Variants in KLHL12 observed in about 807,000 individuals in gnomAD.
The protein encoded by KLHL12 is kelch like family member 12.
In KLHL12, 17 loss-of-function variants were observed where a neutral mutation model predicts 60.8. That is an observed-to-expected ratio of 0.28 (90% CI 0.19 to 0.42). KLHL12 has a LOEUF of 0.42. KLHL12 is among the 10% of genes least tolerant of loss of function. The probability of loss-of-function intolerance (pLI) is 1.00; values close to 1 mark genes in which losing one functional copy is unlikely to be tolerated. For synonymous variants in KLHL12, 220 were observed against 250.9 expected, an observed-to-expected ratio of 0.88 and a Z score of 1.16; for missense variants, 468 against 722.3, an observed-to-expected ratio of 0.65 and a Z score of 4.04.
intron 11 of KLHL12, 79 bp from the exon 12 acceptor site, chr1:202,892,738 A>C (rs1178731650): frequency 6.7e-7 from 1 of 1,490,034 alleles, no homozygotes; most frequent in Non-Finnish European, 9.2e-7. Context: ...ACTATGCAGG[A>C]GGCTGAGGTA....
chr1:202,902,116 C>A (rs1005902160), intron 6 of KLHL12, among the ~76,000 whole-genome samples: 1 of 152,134 alleles, frequency 6.6e-6, no homozygotes, highest in African/African-American at 2.4e-5. Flanking sequence ...TTCCTTCCAG[C>A]CTTGTTTCTG....
rs572569999 is a variant in KLHL12 at position 202,923,020 on chromosome 1, T to C, written c.195+1948A>G. Among the ~76,000 whole-genome samples the C allele has an allele frequency of 4.6e-5, 7 of 152,342 alleles. No individual in the cohort carries two copies. The South Asian group carries it at 1.2e-3, about 27-fold the overall frequency. On this transcript the variant is annotated intron_variant, in intron 2 of 11. Coordinates refer to ENST00000367261, the MANE Select transcript of KLHL12 (RefSeq NM_021633.4). Reference sequence around the variant, plus strand: ...TACAGATCAACCCAGTGAAGTTAGATGGTTCCCAGGGTTTATACAGAATTG... The same window carrying C: ...TACAGATCAACCCAGTGAAGTTAGACGGTTCCCAGGGTTTATACAGAATTG...
chr1:202,899,553 G>T (rs1157917090), intron 6 of KLHL12, among the ~76,000 whole-genome samples: 1 of 151,526 alleles, frequency 6.6e-6, no homozygotes, highest in Admixed American at 6.6e-5. Context: ...GCATGGCCAG[G>T]TGTGGCTCAT....
rs1660296567 is a variant in KLHL12, at chr1:202,909,641, T to C, written c.718-517A>G. ...TTCATTTGCCTCCCAACTCACTCTG[T>C]ACCTTTTTCCACTCTGCTCTCTGGC... is the stretch of plus-strand genomic sequence containing the variant. On this transcript the variant is annotated intron_variant, in intron 5 of 11. Coordinates refer to ENST00000367261, the MANE Select transcript of KLHL12 (RefSeq NM_021633.4). The surrounding 1 kb of genome is among the most constrained non-coding windows in gnomAD (Gnocchi z 4.1). 1.3e-5 allele frequency among the ~76,000 whole-genome samples: 2 copies of C among 152,198 alleles called. No individual in the cohort carries two copies. The highest frequency in any genetic ancestry group is 1.3e-4 in the Admixed American group (2 of 15,276).
At position 202,911,266 on chromosome 1, in the gene KLHL12, G is replaced by A. The variant is rs549391170; in HGVS notation, c.568-63C>T. Reference sequence around the variant, plus strand: ...TCCAATTAGCTCACCATCTCAAAACGTAACCACGTTCACTTTTTCCTTCCT... The same window carrying A: ...TCCAATTAGCTCACCATCTCAAAACATAACCACGTTCACTTTTTCCTTCCT... On this transcript the variant is annotated intron_variant, in intron 4 of 11. Transcript: ENST00000367261. 1.2e-5 allele frequency: 19 copies of A among 1,553,656 alleles called. No homozygotes were observed. In the Admixed American group the frequency reaches 1.7e-4, roughly 14 times the overall value.
At position 202,894,700 on chromosome 1, in the gene KLHL12, A is replaced by G; in HGVS notation, c.1185T>C (p.Ser395=). The G allele has an allele frequency of 6.2e-7, 1 of 1,614,056 alleles. No homozygotes were observed. The highest frequency in any genetic ancestry group is 8.5e-7 in the Non-Finnish European group (1 of 1,179,948). ...GGFDGSRRHT[S]MERYDPNIDQ... is the part of the protein sequence containing the mutation. Reference sequence around the variant, plus strand: ...CAATGTTTGGATCATAGCGCTCCATACTGGTGTGACGCCTGCTTCCATCAA... The same window carrying G: ...CAATGTTTGGATCATAGCGCTCCATGCTGGTGTGACGCCTGCTTCCATCAA... Residue 395 remains serine (S), a synonymous_variant, in exon 9 of 12, where the codon AGT becomes AGC. Transcript: ENST00000367261.
chr1:202,911,070 T>A lies in KLHL12; in HGVS notation c.701A>T (p.Asp234Val), dbSNP rs895477376. ...ACTACTTACCTCAGCATCTATTACA[T>A]CTGTGATATACCTGGGGGTTAGTAG... ...MPLLTPRYIT[D>V]VIDAEPFIRC... The change falls in exon 5 of 12, where the codon GAT (aspartate) becomes GTT (valine). Residue 234 changes from aspartate to valine, a missense_variant. Physicochemically the swap from Asp to Val is radical, Grantham distance 152 (BLOSUM62 -3). Around this residue, in one of 4 missense-constraint regions of KLHL12, gnomAD observed 339 missense variants for 525.0 expected, o/e 0.65. Transcript: ENST00000367261. 1 of 1,614,092 alleles carries A rather than the reference T, an allele frequency of 6.2e-7. No individual in the cohort carries two copies. The highest frequency in any genetic ancestry group is 1.1e-5 in the South Asian group (1 of 91,076).
At chr1:202,896,996 A>G in intron 6 of KLHL12, 36 bp from the exon 7 acceptor site, 1 of 1,508,614 alleles carries the variant, frequency 6.6e-7, no homozygotes. Flanking sequence ...GGGTTAGTTC[A>G]GCATCCCTGG....
intron 4 of KLHL12, among the ~76,000 whole-genome samples, chr1:202,913,954 A>G (rs948688073): frequency 7.9e-5 from 12 of 152,210 alleles, no homozygotes; most frequent in African/African-American, 2.9e-4. Flanking sequence ...CTATAGATAT[A>G]GAGTACTTCC....
chr1:202,921,876 A>G (rs1660705648), intron 2 of KLHL12, among the ~76,000 whole-genome samples: 1 of 152,220 alleles, frequency 6.6e-6, no homozygotes, highest in Non-Finnish European at 1.5e-5. Flanking sequence ...AATAACCAAA[A>G]AGCACTCTCT....
rs1205453958 is a variant in KLHL12, at chr1:202,909,591, T to C, written c.718-467A>G. On this transcript the variant is annotated intron_variant, in intron 5 of 11. Transcript: ENST00000367261. The surrounding 1 kb of genome is among the most constrained non-coding windows in gnomAD (Gnocchi z 4.1). ...CCTGTTGTAATTACCATTGTCTATT[T>C]CTGACAGCTCTGTACTGGACATCTT... 6.6e-6 allele frequency among the ~76,000 whole-genome samples: 1 copy of C among 152,186 alleles called. No homozygotes were observed. The highest frequency in any genetic ancestry group is 1.5e-5 in the Non-Finnish European group (1 of 68,038).
intron 6 of KLHL12, among the ~76,000 whole-genome samples, chr1:202,902,334 G>A (rs370906064): frequency 1.3e-5 from 2 of 151,936 alleles, no homozygotes; most frequent in Non-Finnish European, 2.9e-5. Context: ...GGAGGCTGAG[G>A]CAGGAGAATC....
rs911673077 is a variant in KLHL12, at chr1:202,894,272, G to A, written c.1305C>T (p.Asp435=). The change falls in exon 10 of 12, where the codon GAC becomes GAT. Residue 435 remains aspartate (D), a synonymous_variant. Coordinates refer to ENST00000367261, the MANE Select transcript of KLHL12 (RefSeq NM_021633.4). ...SGVIYCLGGY[D]GLNILNSVEK... ...CAACTGAATTTAAGATATTCAAGCC[G>A]TCATATCCTCCTGGAAGACAGAGAC... 14 of 1,550,592 alleles carry A rather than the reference G, an allele frequency of 9.0e-6. No homozygotes were observed. In the African/African-American group the frequency reaches 9.6e-5, roughly 11 times the overall value.
intron 1 of KLHL12, among the ~76,000 whole-genome samples, chr1:202,925,542 A>G (rs1301482754): frequency 2.0e-5 from 3 of 152,210 alleles, no homozygotes; most frequent in Non-Finnish European, 4.4e-5. Flanking sequence ...CGAAAATATA[A>G]AATTTCTTAA....
At chr1:202,928,126 T>A (rs1376250390), upstream of KLHL12, among the ~76,000 whole-genome samples, 1 of 150,264 alleles carries the variant, frequency 6.7e-6, no homozygotes, top group Non-Finnish European at 1.5e-5. Context: ...TACAAAAAAA[T>A]TGGCTGGGCG....
At chr1:202,899,527 T>G (rs1238853251) in intron 6 of KLHL12, among the ~76,000 whole-genome samples, 1 of 151,852 alleles carries the variant, frequency 6.6e-6, no homozygotes, top group East Asian at 1.9e-4. Context: ...AGGAGTCAGC[T>G]CCTTCGAAAA....
At chr1:202,920,970 C>T (rs1660679349) in intron 2 of KLHL12, among the ~76,000 whole-genome samples, 1 of 152,090 alleles carries the variant, frequency 6.6e-6, no homozygotes. Context: ...ACTCCAGTCT[C>T]TCCAGGACTA....
At chr1:202,925,601 G>C in intron 1 of KLHL12, among the ~76,000 whole-genome samples, 1 of 152,110 alleles carries the variant, frequency 6.6e-6, no homozygotes, top group African/African-American at 2.4e-5. Flanking sequence ...TAAGTATTTA[G>C]AGCATACATA....
intron 6 of KLHL12, among the ~76,000 whole-genome samples, chr1:202,900,142 T>C (rs1659962218): frequency 6.6e-6 from 1 of 152,138 alleles, no homozygotes; most frequent in Non-Finnish European, 1.5e-5. Context: ...CAAGAGGTAC[T>C]TCCTGTGCTA....
Sources: gnomAD v4.1 joint callset for allele counts (sites outside exome capture counted in the v4.1 genomes callset) on GRCh38, gnomAD v4.1.1 for gene constraint, gnomAD v4.1.1 regional missense constraint, Gnocchi (gnomAD v3.1) non-coding constraint, MANE v1.5 for transcripts, NCBI Gene and HGNC (gene_info 2026-07-23, HGNC 2026-07-21) for gene names.